The following CCDC192 variants were observed in gnomAD, a reference collection of about 807,000 sequenced individuals.
CCDC192 encodes the protein coiled-coil domain containing 192, also known as coiled-coil domain-containing protein 192.
At chr5:127,722,336 G>A (rs1438871690) in intron 2 of CCDC192, among the ~76,000 whole-genome samples, 2 of 151,310 alleles carry the variant, frequency 1.3e-5, no homozygotes, top group African/African-American at 4.9e-5. Context: ...TATTGTTTGA[G>A]CTCCTTATAT....
intron 2 of CCDC192, among the ~76,000 whole-genome samples, chr5:127,745,860 G>C (rs1202796411): frequency 6.6e-6 from 1 of 152,176 alleles, no homozygotes; most frequent in Admixed American, 6.5e-5. Context: ...ATTAATTATG[G>C]AAGTCCTATC....
intron 6 of CCDC192, among the ~76,000 whole-genome samples, chr5:127,912,461 C>CT (rs1753401947): frequency 8.0e-6 from 1 of 125,708 alleles, no homozygotes; most frequent in African/African-American, 3.0e-5. Context: ...CTTTACACTT[C>CT]TTTTTTTAAC....
rs1425627661 is a variant in CCDC192, at chr5:127,820,082, G to A, written c.411+21920G>A. 2.0e-5 allele frequency among the ~76,000 whole-genome samples: 3 copies of A among 152,238 alleles called. No homozygotes were observed. The East Asian group carries it at 5.8e-4, about 29-fold the overall frequency. ...GTTATTTTAAATGTTCTTATTTTGA[G>A]CAGATAATGCTGTGAATTATGTGTG... On this transcript the variant is annotated intron_variant, in intron 5 of 6. Coordinates refer to ENST00000514853, the MANE Select transcript of CCDC192 (RefSeq NM_001317938.2).
rs148542088 is a variant in CCDC192 at position 127,859,048 on chromosome 5, G to A, written c.412-16490G>A. On this transcript the variant is annotated intron_variant, in intron 5 of 6. Transcript: ENST00000514853. The stretch of plus-strand genomic sequence containing the variant: ...TTGTCTGTTCACAAACACTGCCAAT[G>A]TCCTCATGGAGCTTATATTCTTGTG... 4.2e-3 allele frequency among the ~76,000 whole-genome samples: 639 copies of A among 152,288 alleles called. 3 individuals carry two copies. Among genetic ancestry groups the A allele is most frequent in the African/African-American group, 0.015 (611 of 41,570 alleles).
intron 5 of CCDC192, among the ~76,000 whole-genome samples, chr5:127,874,774 C>T (rs1752000436): frequency 1.3e-5 from 2 of 152,164 alleles, no homozygotes; most frequent in African/African-American, 4.8e-5. Flanking sequence ...ACACCTTTCA[C>T]AACAGACAGC....
At chr5:127,930,301 C>CTT (rs1753989081) in intron 6 of CCDC192, among the ~76,000 whole-genome samples, 1 of 152,182 alleles carries the variant, frequency 6.6e-6, no homozygotes, top group African/African-American at 2.4e-5. Context: ...CTTCAATTGA[C>CTT]TTTGAGTCCA....
chr5:127,923,926 C>A (rs2127193434), intron 6 of CCDC192, among the ~76,000 whole-genome samples: 1 of 152,320 alleles, frequency 6.6e-6, no homozygotes, highest in Admixed American at 6.5e-5. Context: ...CCCAGAGAAG[C>A]CAACCTGGCT....
At chr5:127,749,738 G>A (rs549641559) in intron 2 of CCDC192, among the ~76,000 whole-genome samples, 97 of 152,210 alleles carry the variant, frequency 6.4e-4, no homozygotes, top group African/African-American at 2.3e-3. Context: ...GAATCCATCT[G>A]GTCCTGGACT....
intron 6 of CCDC192, among the ~76,000 whole-genome samples, chr5:127,904,718 T>C (rs1753150476): frequency 6.6e-6 from 1 of 152,086 alleles, no homozygotes; most frequent in African/African-American, 2.4e-5. Context: ...GCCAGGCTGA[T>C]CTCGAACTCC....
chr5:127,749,834 A>T (rs1224734331), intron 2 of CCDC192, among the ~76,000 whole-genome samples: 1 of 152,192 alleles, frequency 6.6e-6, no homozygotes, highest in African/African-American at 2.4e-5. Context: ...TTCCTGGTTT[A>T]GTCTTGGGAG....
intron 3 of CCDC192, among the ~76,000 whole-genome samples, chr5:127,762,123 A>G (rs1754967827): frequency 1.3e-5 from 2 of 152,218 alleles, no homozygotes; most frequent in South Asian, 2.1e-4. Flanking sequence ...GAAATAAACA[A>G]TGTGCCCTTG....
At chr5:127,824,184 A>G (rs1749420100) in intron 5 of CCDC192, among the ~76,000 whole-genome samples, 1 of 152,226 alleles carries the variant, frequency 6.6e-6, no homozygotes, top group Non-Finnish European at 1.5e-5. Context: ...AACAATTAGC[A>G]GCTGTGCTAG....
chr5:127,873,270 T>C (rs1751935204), intron 5 of CCDC192, among the ~76,000 whole-genome samples: 1 of 152,222 alleles, frequency 6.6e-6, no homozygotes, highest in South Asian at 2.1e-4. Flanking sequence ...GTGACATGAT[T>C]TGAGAATTTG....
At chr5:127,801,288 G>A (rs892339979) in intron 5 of CCDC192, among the ~76,000 whole-genome samples, 1 of 152,168 alleles carries the variant, frequency 6.6e-6, no homozygotes, top group Non-Finnish European at 1.5e-5. Flanking sequence ...GAGTTGCCTG[G>A]CAAAATATGT....
intron 2 of CCDC192, among the ~76,000 whole-genome samples, chr5:127,751,898 T>A (rs1250728348): frequency 6.6e-6 from 1 of 152,182 alleles, no homozygotes; most frequent in Non-Finnish European, 1.5e-5. Context: ...TTCTTCCAGT[T>A]GATCGCATCG....
intron 6 of CCDC192, among the ~76,000 whole-genome samples, chr5:127,922,254 A>G (rs184338272): frequency 2.6e-3 from 389 of 152,342 alleles, no homozygotes; most frequent in Non-Finnish European, 4.6e-3. Context: ...ATTTTAAGCT[A>G]TCTTCTAGAT....
intron 3 of CCDC192, among the ~76,000 whole-genome samples, chr5:127,782,553 A>G (rs1042651595): frequency 3.3e-5 from 5 of 151,976 alleles, no homozygotes; most frequent in Non-Finnish European, 7.4e-5. Context: ...GGAAGGTTGT[A>G]TCTTTCCAGG....
chr5:127,848,002 G>C (rs1337164665), intron 5 of CCDC192, among the ~76,000 whole-genome samples: 1 of 151,826 alleles, frequency 6.6e-6, no homozygotes, highest in African/African-American at 2.4e-5. Context: ...TCACCATGTT[G>C]GCCAGCCTGG....
At chr5:127,877,792 AC>A (rs1752142882) in intron 6 of CCDC192, among the ~76,000 whole-genome samples, 1 of 151,970 alleles carries the variant, frequency 6.6e-6, no homozygotes, top group African/African-American at 2.4e-5. Context: ...CCACCCCCCC[AC>A]ACACATATTT....
Sources: gnomAD v4.1 joint callset for allele counts (sites outside exome capture counted in the v4.1 genomes callset) on GRCh38, gnomAD v4.1.1 for gene constraint, MANE v1.5 for transcripts, NCBI Gene and HGNC (gene_info 2026-07-23, HGNC 2026-07-21) for gene names.